Variants in DSEL observed in about 807,000 individuals in gnomAD.
DSEL encodes dermatan sulfate epimerase like, also known as dermatan-sulfate epimerase-like protein.
A neutral mutation model predicts 96.6 loss-of-function variants in DSEL; 61 were observed. That is an observed-to-expected ratio of 0.63 (90% CI 0.51 to 0.78). The LOEUF (loss-of-function observed/expected upper bound fraction) is 0.78. Ranked by LOEUF, DSEL falls within the 30% of genes least tolerant of loss-of-function variation. The pLI, the probability that DSEL is intolerant of heterozygous loss-of-function variation, is 0.00. For synonymous variants in DSEL, 514 were observed against 502.0 expected (o/e 1.02, Z -0.32); for missense variants, 1,320 against 1,430.8 (o/e 0.92, Z 1.25).
rs2144040888 is a variant in DSEL at position 67,507,044 on chromosome 18, T to A, written c.*3926A>T. The A allele has an allele frequency of 6.6e-6, 1 of 152,222 alleles. No individual in the cohort carries two copies. The highest frequency in any genetic ancestry group is 2.1e-4 in the South Asian group (1 of 4,818). The allele number at this position is 152,222 out of a possible 1,614,324, so 9.4% of individuals were successfully genotyped here. A position where few individuals can be genotyped will look rare whatever the true frequency, so the allele number is the denominator to read the frequency against. ...ATAGCCCACATATTAAGTGTCTTGA[T>A]ATCTTAGAATGTCAGGTACCCTTGC... On this transcript the variant is annotated 3_prime_UTR_variant, in exon 2 of 2. Coordinates refer to ENST00000310045, the MANE Select transcript of DSEL (RefSeq NM_032160.3).
Position 67,513,282 on chromosome 18 carries a change from G to A in DSEL, c.1327C>T (p.Arg443Ter), listed in dbSNP as rs1275102069. 4 of 1,614,080 alleles carry A rather than the reference G, an allele frequency of 2.5e-6. No homozygotes were observed. Among genetic ancestry groups the A allele is most frequent in the Non-Finnish European group, 2.5e-6 (3 of 1,180,026 alleles). Residue 443 changes from arginine (R) to a stop codon, truncating the protein, a stop_gained, in exon 2 of 2, where the codon CGA (arginine) becomes TGA (stop). Coordinates refer to ENST00000310045, the MANE Select transcript of DSEL (RefSeq NM_032160.3). LOFTEE classifies it high-confidence loss of function. Reference sequence around the variant, plus strand: ...AAATGAACTATGTCATACACAGCTCGTCCCCCCAGCTTCCCAGATTTAAAA... The same window carrying A: ...AAATGAACTATGTCATACACAGCTCATCCCCCCAGCTTCCCAGATTTAAAA... Reference protein sequence around the residue: ...VSFKSGKLGGRAVYDIVHFQP... With the variant: ...VSFKSGKLGG
intron 1 of DSEL, among the ~76,000 whole-genome samples, 179 bp from the exon 2 acceptor site, chr18:67,515,671 C>T (rs763206777): frequency 3.3e-5 from 5 of 152,176 alleles, no homozygotes; most frequent in South Asian, 2.1e-4. Flanking sequence ...CATTTACACG[C>T]ACTTATTTGG....
rs769454378 is a variant in DSEL, at chr18:67,513,825, T to C, written c.784A>G (p.Met262Val). 40 of 1,614,186 alleles carry C rather than the reference T, an allele frequency of 2.5e-5. No homozygotes were observed. The highest frequency in any genetic ancestry group is 3.2e-5 in the Non-Finnish European group (38 of 1,180,038). ...TCAACAATATGATTCAATAGAAACA[T>C]TGTCTTTTCCATGACATCCACTACA... ...QAVVDVMEKT[M>V]FLLNHIVDGS... The change falls in exon 2 of 2, where the codon ATG (methionine) becomes GTG (valine). Residue 262 changes from methionine to valine, a missense_variant. Around this residue, in one of 3 missense-constraint regions of DSEL, gnomAD observed 323 missense variants for 333.1 expected, o/e 0.97. Coordinates refer to ENST00000310045, the MANE Select transcript of DSEL (RefSeq NM_032160.3).
rs1402246749 is a variant in DSEL, at chr18:67,511,241, T to G, written c.3368A>C (p.Gln1123Pro). 1 of 1,613,184 alleles carries G rather than the reference T, an allele frequency of 6.2e-7. No individual in the cohort carries two copies. Among genetic ancestry groups the G allele is most frequent in the Non-Finnish European group, 8.5e-7 (1 of 1,180,020 alleles). ...INTDLLPTSY[Q>P]LVKFEDIVHF... The stretch of plus-strand genomic sequence containing the variant: ...CACAATATCTTCAAACTTGACCAGC[T>G]GGTAGCTAGTAGGCAGCAAATCTGT... Residue 1123 changes from glutamine to proline, a missense_variant, in exon 2 of 2, where the codon CAG becomes CCG. Physicochemically the swap from Gln to Pro is moderately conservative, Grantham distance 76. Around this residue, in one of 3 missense-constraint regions of DSEL, gnomAD observed 986 missense variants for 1,066.4 expected, o/e 0.92. Transcript: ENST00000310045.
chr18:67,514,950 A>T lies in DSEL; in HGVS notation c.-342T>A. 3.2e-6 allele frequency: 1 copy of T among 308,122 alleles called. No homozygotes were observed. The highest frequency in any genetic ancestry group is 6.3e-6 in the Non-Finnish European group (1 of 159,610). 19.1% of individuals were successfully genotyped at this position (308,122 alleles called of 1,614,324 possible). On this transcript the variant is annotated 5_prime_UTR_variant, in exon 2 of 2. The change creates a premature stop within an existing upstream ORF in the 5' untranslated region. Coordinates refer to ENST00000310045, the MANE Select transcript of DSEL (RefSeq NM_032160.3). ...TACCTCCTTTACTTAAATCTATTTAACACAAAGAGTTGGAACACACATTGT... is the reference window on the plus strand; with the variant it reads ...TACCTCCTTTACTTAAATCTATTTATCACAAAGAGTTGGAACACACATTGT...
Position 67,511,754 on chromosome 18 carries a change from G to A in DSEL, c.2855C>T (p.Ala952Val), listed in dbSNP as rs1356931644. Residue 952 changes from alanine to valine, a missense_variant, in exon 2 of 2, where the codon GCA becomes GTA. Ala to Val is a moderately conservative substitution (Grantham distance 64). Around this residue, in one of 3 missense-constraint regions of DSEL, gnomAD observed 986 missense variants for 1,066.4 expected, o/e 0.92. Transcript: ENST00000310045. The part of the protein sequence containing the change: ...PNRGKLAQYF[A>V]MNKDKKRKFK... ...TTTTCTTTTTTTGTCCTTATTCATT[G>A]CAAAATATTGGGCCAGTTTACCCCT... is the stretch of plus-strand genomic sequence containing the variant. 1.2e-6 allele frequency: 2 copies of A among 1,614,014 alleles called. No individual in the cohort carries two copies. Among genetic ancestry groups the A allele is most frequent in the South Asian group, 2.2e-5 (2 of 91,076 alleles).
chr18:67,513,678 G>C lies in DSEL; in HGVS notation c.931C>G (p.His311Asp), dbSNP rs768114594. 1 of 1,614,196 alleles carries C rather than the reference G, an allele frequency of 6.2e-7. No individual in the cohort carries two copies. The highest frequency in any genetic ancestry group is 8.5e-7 in the Non-Finnish European group (1 of 1,180,032). ...AGGGTGGCATAATAGAACCAAAAGT[G>C]CATCTTTAACCAGTTATTATCCAAG... The part of the protein sequence containing the change: ...NNLDNNWLKM[H>D]FWFYYATLLP... Residue 311 changes from histidine to aspartate, a missense_variant, in exon 2 of 2, where the codon CAC becomes GAC. Around this residue, in one of 3 missense-constraint regions of DSEL, gnomAD observed 986 missense variants for 1,066.4 expected, o/e 0.92. Transcript: ENST00000310045.
rs1430621996 is a variant in DSEL at position 67,513,169 on chromosome 18, A to T, written c.1440T>A (p.Asn480Lys). 6.2e-7 allele frequency: 1 copy of T among 1,614,032 alleles called. No individual in the cohort carries two copies. Among genetic ancestry groups the T allele is most frequent in the Non-Finnish European group, 8.5e-7 (1 of 1,180,032 alleles). The part of the protein sequence containing the change: ...PDQNSFTFAP[N>K]GQVFVSEALY... Reference sequence around the variant, plus strand: ...GAGCTTCAGAAACAAATACTTGTCCATTGGGGGCAAAAGTAAATGAGTTCT... The same window carrying T: ...GAGCTTCAGAAACAAATACTTGTCCTTTGGGGGCAAAAGTAAATGAGTTCT... Residue 480 changes from asparagine (N) to lysine (K), a missense_variant, in exon 2 of 2, where the codon AAT becomes AAA. Asn to Lys is a moderately conservative substitution (Grantham distance 94). Coordinates refer to ENST00000310045, the MANE Select transcript of DSEL (RefSeq NM_032160.3).
chr18:67,512,598 T>A lies in DSEL; in HGVS notation c.2011A>T (p.Met671Leu). 6.2e-7 allele frequency: 1 copy of A among 1,614,084 alleles called. No individual in the cohort carries two copies. Among genetic ancestry groups the A allele is most frequent in the African/African-American group, 1.3e-5 (1 of 75,050 alleles). The stretch of plus-strand genomic sequence containing the variant: ...GCAATTCTTGTGATTGTGGGTTCCA[T>A]CTGAAAAGTAACATTAACAAATTGA... Reference protein sequence around the residue: ...WTQFVNVTFQMEPTITRIAYV... With the variant: ...WTQFVNVTFQLEPTITRIAYV... The change falls in exon 2 of 2, where the codon ATG becomes TTG. Residue 671 changes from methionine (M) to leucine (L), a missense_variant. Physicochemically the swap from Met to Leu is conservative, Grantham distance 15. Coordinates refer to ENST00000310045, the MANE Select transcript of DSEL (RefSeq NM_032160.3).
In DSEL at chr18:67,510,958, G is replaced by A. The variant is rs774695978; in HGVS notation, c.*12C>T. 6.5e-7 allele frequency: 1 copy of A among 1,547,210 alleles called. No individual in the cohort carries two copies. The highest frequency in any genetic ancestry group is 8.7e-7 in the Non-Finnish European group (1 of 1,152,784). On this transcript the variant is annotated 3_prime_UTR_variant, in exon 2 of 2. Coordinates refer to ENST00000310045, the MANE Select transcript of DSEL (RefSeq NM_032160.3). ...AGTATTATTAGTGCAAATTTCTGCTGACCTGCAGCATTTAGTCCATAAACT... is the reference window on the plus strand; with the variant it reads ...AGTATTATTAGTGCAAATTTCTGCTAACCTGCAGCATTTAGTCCATAAACT...
chr18:67,511,716 C>T lies in DSEL; in HGVS notation c.2893G>A (p.Glu965Lys), dbSNP rs535251916. ...TGACTTCTTTGTTCTGGCAAAGACT[C>T]TCTCCTTTTAAATTTTCTTTTTTTG... ...KDKKRKFKRRESLPEQRSQMK... is the reference protein window; with the variant it reads ...KDKKRKFKRRKSLPEQRSQMK... Residue 965 changes from glutamate to lysine, a missense_variant, in exon 2 of 2, where the codon GAG becomes AAG. By Grantham distance (56) the Glu-to-Lys change is moderately conservative (BLOSUM62 1). Coordinates refer to ENST00000310045, the MANE Select transcript of DSEL (RefSeq NM_032160.3). 4 of 1,614,044 alleles carry T rather than the reference C, an allele frequency of 2.5e-6. No individual in the cohort carries two copies. In the South Asian group the frequency reaches 4.4e-5, roughly 18 times the overall value.
rs546180436 is a variant in DSEL, at chr18:67,511,325, G to A, written c.3284C>T (p.Ala1095Val). Residue 1095 changes from alanine (A) to valine (V), a missense_variant, in exon 2 of 2, where the codon GCA becomes GTA. Physicochemically the swap from Ala to Val is moderately conservative, Grantham distance 64. This residue lies in a region of DSEL where 986 missense variants were observed against 1,066.4 expected (regional missense o/e 0.92). Transcript: ENST00000310045. ...CCACAAGTGAGACAAGAGGGACACT[G>A]CATTTGATTTGGATTTTGATAATTC... is the stretch of plus-strand genomic sequence containing the variant. ...RKELSKSKSNAVSLLSHLWLA... is the reference protein window; with the variant it reads ...RKELSKSKSNVVSLLSHLWLA... 255 of 1,606,536 alleles carry A rather than the reference G, an allele frequency of 1.6e-4. 2 individuals carry two copies. The South Asian group carries it at 2.7e-3, about 17-fold the overall frequency.
rs1320191806 is a variant in DSEL, at chr18:67,512,415, C to G, written c.2194G>C (p.Gly732Arg). ...GCCACACTGGCAAAGCCACCGAATC[C>G]CAGATAATTGAATCTTGTCTTCAGG... is the stretch of plus-strand genomic sequence containing the variant. ...HNLKTRFNYL[G>R]FGGFASVADQ... The change falls in exon 2 of 2, where the codon GGA becomes CGA. Residue 732 changes from glycine to arginine, a missense_variant. Physicochemically the swap from Gly to Arg is moderately radical, Grantham distance 125. Coordinates refer to ENST00000310045, the MANE Select transcript of DSEL (RefSeq NM_032160.3). 1 of 1,614,108 alleles carries G rather than the reference C, an allele frequency of 6.2e-7. No homozygotes were observed. The highest frequency in any genetic ancestry group is 1.6e-4 in the Middle Eastern group (1 of 6,062).
chr18:67,510,789 AAT>A lies in DSEL; in HGVS notation c.*179_*180del. On this transcript the variant is annotated 3_prime_UTR_variant, in exon 2 of 2. Coordinates refer to ENST00000310045, the MANE Select transcript of DSEL (RefSeq NM_032160.3). ...CAAGGGAGGTGATGACATAAAAATA[AAT>A]CCTGCTAGGCCAAATATGGTGCCAT... The A allele has an allele frequency of 2.0e-6, 1 of 506,648 alleles. No homozygotes were observed. Among genetic ancestry groups the A allele is most frequent in the Non-Finnish European group, 3.3e-6 (1 of 300,496 alleles). 31.4% of individuals were successfully genotyped at this position (506,648 alleles called of 1,614,324 possible).
In DSEL at chr18:67,511,346, A is replaced by C. The variant is rs754271088; in HGVS notation, c.3263T>G (p.Leu1088Ter). 6.2e-7 allele frequency: 1 copy of C among 1,604,624 alleles called. No homozygotes were observed. Among genetic ancestry groups the C allele is most frequent in the Non-Finnish European group, 8.5e-7 (1 of 1,179,986 alleles). ...CACTGCATTTGATTTGGATTTTGAT[A>C]ATTCTTTCCTCAATGGTTCATACTC... ...AFEYEPLRKE[L>*]SKSKSNAVSL... Residue 1088 changes from leucine to a stop codon, truncating the protein, a stop_gained, in exon 2 of 2, where the codon TTA (leucine) becomes TGA (stop). Coordinates refer to ENST00000310045, the MANE Select transcript of DSEL (RefSeq NM_032160.3). LOFTEE classifies it high-confidence loss of function.
Position 67,514,199 on chromosome 18 carries a change from T to C in DSEL, c.410A>G (p.Glu137Gly), listed in dbSNP as rs767294949. Reference protein sequence around the residue: ...PLALYCLLCPEDKVAFEFVLE... With the variant: ...PLALYCLLCPGDKVAFEFVLE... The stretch of plus-strand genomic sequence containing the variant: ...GACAAATTCAAAGGCAACTTTGTCT[T>C]CTGGGCATAACAAACAGTACAATGC... Residue 137 changes from glutamate (E) to glycine (G), a missense_variant, in exon 2 of 2, where the codon GAA (glutamate) becomes GGA (glycine). Coordinates refer to ENST00000310045, the MANE Select transcript of DSEL (RefSeq NM_032160.3). 1.9e-6 allele frequency: 3 copies of C among 1,614,204 alleles called. No homozygotes were observed. The highest frequency in any genetic ancestry group is 2.5e-6 in the Non-Finnish European group (3 of 1,180,042).
chr18:67,507,255 G>A lies in DSEL; in HGVS notation c.*3715C>T, dbSNP rs914710410. 4 of 146,784 alleles carry A rather than the reference G, an allele frequency of 2.7e-5. No homozygotes were observed. Among genetic ancestry groups the A allele is most frequent in the East Asian group, 2.0e-4 (1 of 4,890 alleles). 9.1% of individuals were successfully genotyped at this position (146,784 alleles called of 1,614,324 possible). On this transcript the variant is annotated 3_prime_UTR_variant, in exon 2 of 2. Transcript: ENST00000310045. ...CCAGCTATTCAGGAGGCTGACGTAG[G>A]AGAATCACTTGAACCCGGTAGGCGG...
Position 67,511,610 on chromosome 18 carries a change from G to A in DSEL, c.2999C>T (p.Pro1000Leu), listed in dbSNP as rs1242275089. 5 of 1,614,004 alleles carry A rather than the reference G, an allele frequency of 3.1e-6. No homozygotes were observed. Among genetic ancestry groups the A allele is most frequent in the Non-Finnish European group, 4.2e-6 (5 of 1,180,036 alleles). ...RHLVYYPSARPVLSLSSGSWT... is the reference protein window; with the variant it reads ...RHLVYYPSARLVLSLSSGSWT... ...GCTTCCACTGCTTAAACTGAGCACA[G>A]GACGTGCACTTGGATAGTAAACCAG... The change falls in exon 2 of 2, where the codon CCT becomes CTT. Residue 1000 changes from proline to leucine, a missense_variant. This residue lies in a region of DSEL where 986 missense variants were observed against 1,066.4 expected (regional missense o/e 0.92). Coordinates refer to ENST00000310045, the MANE Select transcript of DSEL (RefSeq NM_032160.3).
chr18:67,511,460 G>T lies in DSEL; in HGVS notation c.3149C>A (p.Ser1050Tyr), dbSNP rs2089441766. ...MLYNSKPSLYSLKNVPEHLAK... is the reference protein window; with the variant it reads ...MLYNSKPSLYYLKNVPEHLAK... ...TAAATGCTCTGGTACATTCTTCAAAGAATAAAGACTTGGTTTACTATTGTA... is the reference window on the plus strand; with the variant it reads ...TAAATGCTCTGGTACATTCTTCAAATAATAAAGACTTGGTTTACTATTGTA... Residue 1050 changes from serine (S) to tyrosine (Y), a missense_variant, in exon 2 of 2, where the codon TCT becomes TAT. Ser to Tyr is a moderately radical substitution (Grantham distance 144). Around this residue, in one of 3 missense-constraint regions of DSEL, gnomAD observed 986 missense variants for 1,066.4 expected, o/e 0.92. Coordinates refer to ENST00000310045, the MANE Select transcript of DSEL (RefSeq NM_032160.3). 1 of 1,609,048 alleles carries T rather than the reference G, an allele frequency of 6.2e-7. No individual in the cohort carries two copies.
Sources: allele counts gnomAD v4.1 joint callset (sites outside exome capture counted in the v4.1 genomes callset), GRCh38; gene constraint gnomAD v4.1.1; regional missense constraint gnomAD v4.1.1; transcripts MANE v1.5; gene names NCBI Gene and HGNC (gene_info 2026-07-23, HGNC 2026-07-21).